Variants in NPSR1 observed in about 807,000 individuals in gnomAD.
NPSR1 encodes the protein neuropeptide S receptor 1.
Under a neutral mutation model 46.9 loss-of-function variants are expected in NPSR1, and 48 were observed. The ratio of observed to expected loss-of-function variants is 1.02; its 90% CI spans 0.81 to 1.30. NPSR1 has a LOEUF of 1.30. NPSR1 is among the 50% of genes most tolerant of loss of function. The probability of loss-of-function intolerance (pLI) is 0.00; values close to 1 mark genes in which losing one functional copy is unlikely to be tolerated. For synonymous variants in NPSR1, 176 were observed against 168.1 expected, an observed-to-expected ratio of 1.05 and a Z score of -0.36; for missense variants, 450 against 449.5, an observed-to-expected ratio of 1.00 and a Z score of -0.01.
chr7:34,702,565 C>G (rs1793884605), intron 2 of NPSR1, among the ~76,000 whole-genome samples: 1 of 152,200 alleles, frequency 6.6e-6, no homozygotes, highest in Non-Finnish European at 1.5e-5. Context: ...GTGCTACGCT[C>G]TCTTCTAATG....
chr7:34,792,665 TTATATATATGTA>T (rs1787955397), intron 3 of NPSR1, among the ~76,000 whole-genome samples: 19 of 78,758 alleles, frequency 2.4e-4, no homozygotes, highest in South Asian at 1.0e-3. Context: ...ATATATATAT[TTATATATATGTA>T]TATATATATA....
chr7:34,827,352 CA>C, intron 4 of NPSR1, 48 bp from the exon 5 acceptor site: 1 of 1,564,732 alleles, frequency 6.4e-7, no homozygotes, highest in Non-Finnish European at 8.8e-7. Flanking sequence ...ATTGTGCTCC[CA>C]AAAATGGTTG....
chr7:34,843,580 C>T (rs1414835127), intron 6 of NPSR1, among the ~76,000 whole-genome samples: 1 of 152,212 alleles, frequency 6.6e-6, no homozygotes, highest in African/African-American at 2.4e-5. Flanking sequence ...TGTGATCTTT[C>T]ATGCTGGATT....
intron 3 of NPSR1, among the ~76,000 whole-genome samples, chr7:34,782,406 C>T (rs1217132995): frequency 6.6e-6 from 1 of 152,110 alleles, no homozygotes. Context: ...CCTTAGCAGC[C>T]ATCACCACTG....
chr7:34,734,407 G>T lies in NPSR1; in HGVS notation c.281-44055G>T, dbSNP rs553959810. Among the ~76,000 whole-genome samples, 3 of 152,194 alleles carry T rather than the reference G, an allele frequency of 2.0e-5. No homozygotes were observed. The South Asian group carries it at 6.2e-4, about 32-fold the overall frequency. ...CAGATGATGACTGATGGATGGGAAT[G>T]GAGAAACAGGCAGGCCTCAACTTCC... On this transcript the variant is annotated intron_variant, in intron 2 of 8. Coordinates refer to ENST00000360581, the MANE Select transcript of NPSR1 (RefSeq NM_207172.2).
intron 2 of NPSR1, among the ~76,000 whole-genome samples, chr7:34,752,570 C>A (rs1190110115): frequency 6.6e-6 from 1 of 152,124 alleles, no homozygotes; most frequent in Non-Finnish European, 1.5e-5. Flanking sequence ...ACCACTCAGT[C>A]AGTACTGAAA....
intron 2 of NPSR1, among the ~76,000 whole-genome samples, chr7:34,700,980 G>A (rs1210796661): frequency 1.3e-5 from 2 of 152,182 alleles, no homozygotes; most frequent in African/African-American, 4.8e-5. Context: ...AAGAGTGAAA[G>A]TTCTCCAAAA....
intron 1 of NPSR1, among the ~76,000 whole-genome samples, chr7:34,679,538 A>G (rs1360039146): frequency 6.6e-6 from 1 of 152,178 alleles, no homozygotes; most frequent in East Asian, 1.9e-4. Flanking sequence ...TGTGACTTTA[A>G]GCGAAACTAC....
intron 4 of NPSR1, among the ~76,000 whole-genome samples, chr7:34,822,233 T>G (rs1789592897): frequency 6.6e-6 from 1 of 151,926 alleles, no homozygotes; most frequent in Non-Finnish European, 1.5e-5. Context: ...TGTCAGAATT[T>G]AAGGGCAGCT....
intron 2 of NPSR1, among the ~76,000 whole-genome samples, chr7:34,689,641 AAAAG>A (rs1379784597): frequency 2.4e-4 from 35 of 147,940 alleles, no homozygotes; most frequent in South Asian, 8.7e-4. Context: ...AAAAGAAAAG[AAAAG>A]AAAGAAAGAA....
chr7:34,743,507 C>A (rs1785054114), intron 2 of NPSR1, among the ~76,000 whole-genome samples: 1 of 151,182 alleles, frequency 6.6e-6, no homozygotes, highest in Non-Finnish European at 1.5e-5. Context: ...GTGGCATGAT[C>A]TTGGCGCACT....
rs576797772 is a variant in NPSR1, at chr7:34,754,803, G to A, written c.281-23659G>A. On this transcript the variant is annotated intron_variant, in intron 2 of 8. Coordinates refer to ENST00000360581, the MANE Select transcript of NPSR1 (RefSeq NM_207172.2). ...CTATAACTCCCACCTCACATCCTCC[G>A]TAACCCTAGCCAACTGCCAATCTAC... 4.6e-5 allele frequency among the ~76,000 whole-genome samples: 7 copies of A among 152,108 alleles called. No homozygotes were observed. The South Asian group carries it at 6.2e-4, about 14-fold the overall frequency.
At chr7:34,686,893 A>C (rs567576753) in intron 2 of NPSR1, among the ~76,000 whole-genome samples, 1 of 150,656 alleles carries the variant, frequency 6.6e-6, no homozygotes, top group African/African-American at 2.4e-5. Context: ...TTCAGCTGAC[A>C]TCAGAAATGT....
At chr7:34,750,951 T>C in intron 2 of NPSR1, 3 of 758,202 alleles carry the variant, frequency 4.0e-6, no homozygotes, top group Non-Finnish European at 7.3e-6. Flanking sequence ...GCTGATGATA[T>C]CTGGAAGGAG....
At chr7:34,842,156 C>A (rs147572196) in intron 6 of NPSR1, among the ~76,000 whole-genome samples, 13 of 152,302 alleles carry the variant, frequency 8.5e-5, no homozygotes, top group African/African-American at 2.6e-4. Flanking sequence ...TTATGTTAAT[C>A]TTCAAAGTAA....
chr7:34,765,245 A>C (rs1236282385), intron 2 of NPSR1, among the ~76,000 whole-genome samples: 2 of 152,236 alleles, frequency 1.3e-5, no homozygotes, highest in African/African-American at 4.8e-5. Context: ...TTTGCCATTT[A>C]ATCAAAATGC....
At chr7:34,660,541 T>G (rs1791404153) in intron 1 of NPSR1, among the ~76,000 whole-genome samples, 1 of 152,098 alleles carries the variant, frequency 6.6e-6, no homozygotes, top group South Asian at 2.1e-4. Context: ...ATGTATCCCC[T>G]TTAATCCCCA....
intron 2 of NPSR1, among the ~76,000 whole-genome samples, chr7:34,775,674 A>T (rs1028334149): frequency 6.6e-6 from 1 of 152,098 alleles, no homozygotes; most frequent in Non-Finnish European, 1.5e-5. Flanking sequence ...CATTTCAAAA[A>T]TCCAACTTTT....
chr7:34,835,017 C>T (rs983398012), intron 6 of NPSR1, among the ~76,000 whole-genome samples: 3 of 152,218 alleles, frequency 2.0e-5, no homozygotes, highest in African/African-American at 7.2e-5. Context: ...TCTCAGTAAA[C>T]CTGAATGCAG....
Sources: gnomAD v4.1 joint callset for allele counts (sites outside exome capture counted in the v4.1 genomes callset) on GRCh38, gnomAD v4.1.1 for gene constraint, MANE v1.5 for transcripts, NCBI Gene and HGNC (gene_info 2026-07-23, HGNC 2026-07-21) for gene names.